PCDHA3: variants seen among roughly 807,000 people sequenced by gnomAD.
PCDHA3 encodes the protein protocadherin alpha-3.
PCDHA3 carries 41 observed loss-of-function variants against 62.2 expected under a neutral mutation model. That is an observed-to-expected ratio of 0.66 (90% CI 0.51 to 0.86). The LOEUF (loss-of-function observed/expected upper bound fraction) is 0.86. Ranked by LOEUF, PCDHA3 falls within the 40% of genes least tolerant of loss-of-function variation. The pLI, the probability that PCDHA3 is intolerant of heterozygous loss-of-function variation, is 0.00. For synonymous variants in PCDHA3, 640 were observed against 555.4 expected (o/e 1.15, Z -2.14); for missense variants, 1,304 against 1,241.2 (o/e 1.05, Z -0.76).
rs1767209062 is a variant in PCDHA3, at chr5:140,822,146, A to G, written c.2394+18555A>G. The G allele has an allele frequency of 6.2e-7, 1 of 1,614,260 alleles. No individual in the cohort carries two copies. The highest frequency in any genetic ancestry group is 8.5e-7 in the Non-Finnish European group (1 of 1,180,048). On this transcript the variant is annotated intron_variant, in intron 1 of 3. Transcript: ENST00000522353. ...TTCCATGTGGAGGTGGCAGTGAAGG[A>G]CATCAATGACAATCCGCCCAGGTTC...
In PCDHA3 at chr5:140,978,905, T is replaced by C. The variant is rs782532288; in HGVS notation, c.2395-44T>C. 9 of 1,613,632 alleles carry C rather than the reference T, an allele frequency of 5.6e-6. No homozygotes were observed. In the South Asian group the frequency reaches 9.9e-5, roughly 18 times the overall value. On this transcript the variant is annotated intron_variant, in intron 1 of 3. Coordinates refer to ENST00000522353, the MANE Select transcript of PCDHA3 (RefSeq NM_018906.3). ...AATTAGCAGCATTCCTGGGAGAACA[T>C]TGTCTTGTCATTTTAACAGAAAACT...
intron 1 of PCDHA3, chr5:140,929,499 C>T: frequency 1.0e-6 from 1 of 980,264 alleles, no homozygotes; most frequent in Non-Finnish European, 1.4e-6. Context: ...GAAGATTGCC[C>T]TAGGCCTCAA....
chr5:140,928,149 T>C, intron 1 of PCDHA3: 2 of 1,614,194 alleles, frequency 1.2e-6, no homozygotes, highest in Non-Finnish European at 8.5e-7. Flanking sequence ...CGGCCTCAGA[T>C]AGTGGCTCAC....
chr5:140,969,506 G>T, intron 1 of PCDHA3: 1 of 1,427,058 alleles, frequency 7.0e-7, no homozygotes, highest in Non-Finnish European at 9.3e-7. Flanking sequence ...TAGAAAAATA[G>T]CACTAAAGAA....
At chr5:140,836,844 T>C (rs2150270736) in intron 1 of PCDHA3, 26 of 827,138 alleles carry the variant, frequency 3.1e-5, no homozygotes, top group African/African-American at 6.9e-5. Flanking sequence ...GCTTTATGTA[T>C]AATTATTATT....
intron 1 of PCDHA3, chr5:140,858,432 G>A: frequency 6.5e-7 from 1 of 1,546,306 alleles, no homozygotes; most frequent in Admixed American, 1.9e-5. Flanking sequence ...GACCACTCTA[G>A]GAAGGTGGGT....
At chr5:140,953,810 C>T (rs918101590) in intron 1 of PCDHA3, among the ~76,000 whole-genome samples, 5 of 152,190 alleles carry the variant, frequency 3.3e-5, no homozygotes, top group South Asian at 2.1e-4. Context: ...TTCTGAGGTG[C>T]ATGTGCTAGT....
chr5:141,000,399 A>C (rs77386673), intron 3 of PCDHA3, among the ~76,000 whole-genome samples: 2,158 of 66,344 alleles, frequency 0.033, 38 homozygotes, highest in Non-Finnish European at 0.044. Context: ...CTCTCTCTAT[A>C]TATATATATA....
chr5:140,851,920 T>C (rs2042197222), intron 1 of PCDHA3: 1 of 967,994 alleles, frequency 1.0e-6, no homozygotes, highest in African/African-American at 1.8e-5. Context: ...CTACATGTTA[T>C]GTTTCCTGAA....
At chr5:140,908,844 C>T (rs533219921) in intron 1 of PCDHA3, among the ~76,000 whole-genome samples, 2 of 152,272 alleles carry the variant, frequency 1.3e-5, no homozygotes, top group African/African-American at 4.8e-5. Context: ...GCTGGAGTAA[C>T]ATACCCAAAT....
chr5:140,834,216 C>A, intron 1 of PCDHA3: 2 of 658,062 alleles, frequency 3.0e-6, no homozygotes, highest in South Asian at 2.3e-5. Flanking sequence ...CTTTCGTAAT[C>A]AGCAAAAGGA....
At chr5:140,937,869 G>A (rs1268422806) in intron 1 of PCDHA3, among the ~76,000 whole-genome samples, 1 of 150,376 alleles carries the variant, frequency 6.6e-6, no homozygotes, top group African/African-American at 2.5e-5. Flanking sequence ...CCGAGATCGC[G>A]CCACTGCACT....
At chr5:140,982,414 G>A in intron 2 of PCDHA3, 61 bp from the exon 3 acceptor site, 1 of 1,609,882 alleles carries the variant, frequency 6.2e-7, no homozygotes, top group Non-Finnish European at 8.5e-7. Flanking sequence ...TCTGAGGGTG[G>A]AAGAAGAGAT....
chr5:140,829,233 C>T, intron 1 of PCDHA3: 1 of 1,614,254 alleles, frequency 6.2e-7, no homozygotes, highest in Non-Finnish European at 8.5e-7. Context: ...GATTCAGGTG[C>T]CAACGGGCAG....
Position 140,894,936 on chromosome 5 carries a change from A to G in PCDHA3, c.2395-84013A>G, listed in dbSNP as rs560165058. Among the ~76,000 whole-genome samples the G allele has an allele frequency of 3.5e-4, 53 of 152,142 alleles. 1 individual carries two copies. The highest frequency in any genetic ancestry group is 5.6e-4 in the Non-Finnish European group (38 of 68,020). On this transcript the variant is annotated intron_variant, in intron 1 of 3. Transcript: ENST00000522353. ...TTGCTCTATAGATTTCTATTCAGCTATTGTCATGAAATGATAAAAATATAA... is the reference window on the plus strand; with the variant it reads ...TTGCTCTATAGATTTCTATTCAGCTGTTGTCATGAAATGATAAAAATATAA...
At chr5:140,877,177 C>A (rs1554169414) in intron 1 of PCDHA3, 1 of 1,613,802 alleles carries the variant, frequency 6.2e-7, no homozygotes. Context: ...GCTGGCGACT[C>A]CGGCTGGCAG....
At position 140,836,060 on chromosome 5, in the gene PCDHA3, C is replaced by A; in HGVS notation, c.2394+32469C>A. ...TGCAGGTGTTCGTGCTGGACGAGAA[C>A]GACAACGCGCCGGCACTGCTGGCGC... is the stretch of plus-strand genomic sequence containing the variant. On this transcript the variant is annotated intron_variant, in intron 1 of 3. Coordinates refer to ENST00000522353, the MANE Select transcript of PCDHA3 (RefSeq NM_018906.3). 8.1e-6 allele frequency: 13 copies of A among 1,613,098 alleles called. No individual in the cohort carries two copies. The highest frequency in any genetic ancestry group is 1.1e-5 in the Non-Finnish European group (13 of 1,179,748).
intron 1 of PCDHA3, among the ~76,000 whole-genome samples, chr5:140,910,128 T>C (rs2074896985): frequency 6.6e-6 from 1 of 152,238 alleles, no homozygotes; most frequent in African/African-American, 2.4e-5. Flanking sequence ...GTCTGTAAAC[T>C]GGTTTAAGTC....
At chr5:140,843,497 C>G (rs1229435401) in intron 1 of PCDHA3, 5 of 1,596,022 alleles carry the variant, frequency 3.1e-6, no homozygotes, top group Non-Finnish European at 4.3e-6. Context: ...GTGCTCAGCA[C>G]TGCCCACTGA....
Sources: allele counts gnomAD v4.1 joint callset (sites outside exome capture counted in the v4.1 genomes callset), GRCh38; gene constraint gnomAD v4.1.1; transcripts MANE v1.5; gene names NCBI Gene and HGNC (gene_info 2026-07-23, HGNC 2026-07-21).